The following DLC1 variants were observed in gnomAD, a reference collection of about 807,000 sequenced individuals.
The protein encoded by DLC1 is DLC1 Rho GTPase activating protein, also known as rho GTPase-activating protein 7.
In DLC1, 54 loss-of-function variants were observed where a neutral mutation model predicts 140.3. The observed-to-expected ratio is 0.38, with a 90% confidence interval of 0.31 to 0.48. DLC1 has a LOEUF of 0.48. DLC1 is among the 20% of genes least tolerant of loss of function. The pLI, the probability that DLC1 is intolerant of heterozygous loss-of-function variation, is 0.96. For missense variants in DLC1, 2,536 were observed against 1,907.0 expected, an observed-to-expected ratio of 1.33 and a Z score of -6.14; for synonymous variants, 986 against 728.1, an observed-to-expected ratio of 1.35 and a Z score of -5.70.
At chr8:13,602,359 G>GT (rs1563469271) in intron 1 of DLC1, among the ~76,000 whole-genome samples, 2 of 151,588 alleles carry the variant, frequency 1.3e-5, no homozygotes, top group African/African-American at 4.8e-5. Flanking sequence ...ATAGGAAACT[G>GT]TAAGATGGTT....
intron 1 of DLC1, among the ~76,000 whole-genome samples, chr8:13,502,173 C>T (rs1458960797): frequency 6.6e-6 from 1 of 152,126 alleles, no homozygotes; most frequent in Non-Finnish European, 1.5e-5. Flanking sequence ...TGTCACTCAA[C>T]CTTGACAAGT....
chr8:13,095,419 A>C (rs552496473), intron 10 of DLC1, 174 bp from the exon 11 acceptor site: 4 of 721,888 alleles, frequency 5.5e-6, no homozygotes, highest in Non-Finnish European at 9.0e-6. Flanking sequence ...TACTGGCCAC[A>C]CTTCAGGTGC....
intron 5 of DLC1, among the ~76,000 whole-genome samples, chr8:13,237,572 A>T (rs945026365): frequency 6.6e-6 from 1 of 151,968 alleles, no homozygotes; most frequent in Non-Finnish European, 1.5e-5. Flanking sequence ...CCAGCAATGT[A>T]CAGTGTACCC....
intron 4 of DLC1, among the ~76,000 whole-genome samples, chr8:13,383,370 C>A (rs1169930734): frequency 2.0e-5 from 3 of 152,078 alleles, no homozygotes; most frequent in Non-Finnish European, 4.4e-5. Context: ...TGCATATGTT[C>A]AGAGAAAGAG....
Position 13,579,245 on chromosome 8 carries a change from C to CATACATATAT in DLC1, c.-126+25291_-126+25292insATATATGTAT, listed in dbSNP as rs1554546967. 2.2e-3 allele frequency among the ~76,000 whole-genome samples: 41 copies of CATACATATAT among 18,896 alleles called. 9 individuals are homozygous for CATACATATAT. Among genetic ancestry groups the CATACATATAT allele is most frequent in the East Asian group, 6.1e-3 (3 of 488 alleles). 12.4% of individuals were successfully genotyped at this position (18,896 alleles called of 152,430 possible). A position where few individuals can be genotyped will look rare whatever the true frequency, so the allele number is the denominator to read the frequency against. ...GGAGCTCTAATTGAGGAACAGGGAGCATATATATATATATATATATATATG... is the reference window on the plus strand; with the variant it reads ...GGAGCTCTAATTGAGGAACAGGGAGCATACATATATATATATATATATATATATATATATG... On this transcript the variant is annotated intron_variant, in intron 1 of 1. Transcript: ENST00000631382.
intron 1 of DLC1, among the ~76,000 whole-genome samples, chr8:13,540,019 A>T (rs1356877918): frequency 6.6e-6 from 1 of 152,214 alleles, no homozygotes; most frequent in African/African-American, 2.4e-5. Flanking sequence ...GTTCACAGAG[A>T]TGTGTGCAGC....
At chr8:13,445,978 C>G (rs2116944179) in intron 2 of DLC1, among the ~76,000 whole-genome samples, 2 of 152,168 alleles carry the variant, frequency 1.3e-5, no homozygotes, top group South Asian at 4.2e-4. Context: ...TGGTTTAAGT[C>G]CTTACTTGGT....
intron 4 of DLC1, among the ~76,000 whole-genome samples, chr8:13,315,876 T>G (rs73663545): frequency 0.02 from 2,984 of 152,314 alleles, 115 homozygotes; most frequent in African/African-American, 0.067. Flanking sequence ...TATTAATAGT[T>G]ACATTAAAAT....
rs980291094 is a variant in DLC1, at chr8:13,599,429, T to A, written c.-126+5108A>T. Among the ~76,000 whole-genome samples, 4 of 151,986 alleles carry A rather than the reference T, an allele frequency of 2.6e-5. No homozygotes were observed. The East Asian group carries it at 7.7e-4, about 29-fold the overall frequency. The stretch of plus-strand genomic sequence containing the variant: ...GAATGATTTGTCATTAAAAAGGATG[T>A]TAGGATGAAGTGGTTCTTTCTAACA... On this transcript the variant is annotated intron_variant, in intron 1 of 1. Transcript: ENST00000631382.
At chr8:13,502,313 A>G (rs901834540) in intron 1 of DLC1, among the ~76,000 whole-genome samples, 8 of 152,186 alleles carry the variant, frequency 5.3e-5, no homozygotes, top group Admixed American at 5.2e-4. Flanking sequence ...TTTCTAATCT[A>G]GGTGCTTTCA....
intron 1 of DLC1, among the ~76,000 whole-genome samples, chr8:13,588,782 A>T (rs1805417889): frequency 6.6e-6 from 1 of 152,080 alleles, no homozygotes; most frequent in Non-Finnish European, 1.5e-5. Flanking sequence ...AGTGATATTT[A>T]TTAGACTAGG....
chr8:13,411,717 A>G (rs1381315563), intron 2 of DLC1, among the ~76,000 whole-genome samples: 1 of 152,212 alleles, frequency 6.6e-6, no homozygotes, highest in African/African-American at 2.4e-5. Context: ...AAAATATGAA[A>G]CAAAATAAAG....
chr8:13,349,257 A>G (rs926951769), intron 4 of DLC1, among the ~76,000 whole-genome samples: 2 of 152,102 alleles, frequency 1.3e-5, no homozygotes, highest in African/African-American at 4.8e-5. Flanking sequence ...TTTGAAGACC[A>G]TCGTTATATG....
intron 5 of DLC1, among the ~76,000 whole-genome samples, chr8:13,236,896 G>A (rs896277238): frequency 1.3e-5 from 2 of 152,038 alleles, no homozygotes; most frequent in African/African-American, 4.8e-5. Flanking sequence ...GAATCTGGAG[G>A]AAAGAGGAAA....
At chr8:13,224,017 A>G (rs774981721) in intron 5 of DLC1, among the ~76,000 whole-genome samples, 1 of 152,198 alleles carries the variant, frequency 6.6e-6, no homozygotes, top group Non-Finnish European at 1.5e-5. Context: ...TAAGTTGTCA[A>G]GATCGCATTA....
chr8:13,147,807 G>C (rs1823541993), intron 5 of DLC1, among the ~76,000 whole-genome samples: 1 of 152,114 alleles, frequency 6.6e-6, no homozygotes, highest in Admixed American at 6.6e-5. Flanking sequence ...GGCCAACATG[G>C]TGAAACCCCG....
chr8:13,179,953 A>G (rs1825949145), intron 5 of DLC1, among the ~76,000 whole-genome samples: 1 of 152,158 alleles, frequency 6.6e-6, no homozygotes, highest in African/African-American at 2.4e-5. Context: ...TCAAATAGGC[A>G]TACTTGGTAT....
At chr8:13,449,297 G>A (rs1015942172) in intron 2 of DLC1, among the ~76,000 whole-genome samples, 1 of 152,170 alleles carries the variant, frequency 6.6e-6, no homozygotes, top group East Asian at 1.9e-4. Context: ...GAGAGAAATG[G>A]AGGGAACATT....
intron 4 of DLC1, among the ~76,000 whole-genome samples, chr8:13,370,490 T>A (rs1027562498): frequency 4.6e-5 from 7 of 152,050 alleles, no homozygotes; most frequent in African/African-American, 1.7e-4. Context: ...AGGGCAGACT[T>A]CTTCTTGGAG....
Sources: allele counts gnomAD v4.1 joint callset (sites outside exome capture counted in the v4.1 genomes callset), GRCh38; gene constraint gnomAD v4.1.1; transcripts MANE v1.5; gene names NCBI Gene and HGNC (gene_info 2026-07-23, HGNC 2026-07-21).